SEMA3A: variants seen among roughly 807,000 people sequenced by gnomAD.
SEMA3A encodes semaphorin-3A.
A neutral mutation model predicts 97.9 loss-of-function variants in SEMA3A; 29 were observed. The observed-to-expected ratio is 0.30, with a 90% CI of 0.22 to 0.40. The LOEUF is 0.40. Among genes scored for constraint, SEMA3A ranks in the 10% least tolerant of loss-of-function variants. The probability of loss-of-function intolerance (pLI) is 1.00; values close to 1 mark genes in which losing one functional copy is unlikely to be tolerated. For missense variants in SEMA3A, 763 were observed against 951.3 expected (o/e 0.80, Z 2.60); for synonymous variants, 321 against 323.7 (o/e 0.99, Z 0.09).
intron 6 of SEMA3A, among the ~76,000 whole-genome samples, chr7:84,028,460 C>T (rs1267155104): frequency 6.6e-6 from 1 of 152,096 alleles, no homozygotes; most frequent in Non-Finnish European, 1.5e-5. Context: ...TAAACTGGAA[C>T]AAAATCAACA....
In SEMA3A at chr7:84,170,101, G is replaced by A. The variant is rs1004719137; in HGVS notation, c.112+24374C>T. ...ATTTCAGTTTTCAGTTTGCAAAGAT[G>A]AATGATACTTCAGGTGAAAATAGCT... is the stretch of plus-strand genomic sequence containing the variant. On this transcript the variant is annotated intron_variant, in intron 1 of 16. Coordinates refer to ENST00000265362, the MANE Select transcript of SEMA3A (RefSeq NM_006080.3). Among the ~76,000 whole-genome samples, 4 of 151,944 alleles carry A rather than the reference G, an allele frequency of 2.6e-5. No homozygotes were observed. The East Asian group carries it at 7.7e-4, about 29-fold the overall frequency.
At chr7:84,080,979 A>T (rs903896596) in intron 4 of SEMA3A, among the ~76,000 whole-genome samples, 1 of 151,916 alleles carries the variant, frequency 6.6e-6, no homozygotes, top group Non-Finnish European at 1.5e-5. Flanking sequence ...AAAATAGTAA[A>T]AATAATTAAT....
intron 3 of SEMA3A, among the ~76,000 whole-genome samples, chr7:84,243,913 GTGAGTTTCTTAATCC>G (rs1799422650): frequency 6.6e-6 from 1 of 152,302 alleles, no homozygotes; most frequent in South Asian, 2.1e-4. Context: ...GTGGTTTTGA[GTGAGTTTCTTAATCC>G]TGAGTTCTAA....
At chr7:84,077,461 G>A (rs998375434) in intron 4 of SEMA3A, among the ~76,000 whole-genome samples, 1 of 151,994 alleles carries the variant, frequency 6.6e-6, no homozygotes, top group African/African-American at 2.4e-5. Context: ...AGGAGCATAT[G>A]TCCTGTAAAA....
chr7:84,358,211 C>T (rs572615704), intron 2 of SEMA3A, among the ~76,000 whole-genome samples: 3 of 152,272 alleles, frequency 2.0e-5, no homozygotes, highest in Admixed American at 1.3e-4. Context: ...AGTCCTTGCC[C>T]ATGCCTATGT....
At chr7:83,980,615 A>AT (rs1441029532) in intron 14 of SEMA3A, among the ~76,000 whole-genome samples, 1 of 82,632 alleles carries the variant, frequency 1.2e-5, no homozygotes, top group East Asian at 3.7e-4. Flanking sequence ...AAAAAAAAAA[A>AT]AAAAAAAAAT....
chr7:84,217,917 C>T (rs1798787600), intron 3 of SEMA3A, among the ~76,000 whole-genome samples: 1 of 151,632 alleles, frequency 6.6e-6, no homozygotes, highest in Non-Finnish European at 1.5e-5. Context: ...GCCATCTCTA[C>T]AAAAAATTTA....
At chr7:84,310,526 T>C (rs576518431) in intron 2 of SEMA3A, among the ~76,000 whole-genome samples, 50 of 152,230 alleles carry the variant, frequency 3.3e-4, no homozygotes, top group Admixed American at 3.0e-3. Context: ...CTATTACAAA[T>C]AGATGATAAT....
At chr7:84,289,044 A>T (rs561411922) in intron 3 of SEMA3A, among the ~76,000 whole-genome samples, 92 of 152,258 alleles carry the variant, frequency 6.0e-4, no homozygotes, top group South Asian at 4.1e-4. Flanking sequence ...GTTAAAAAAA[A>T]ATATAATCTT....
intron 3 of SEMA3A, among the ~76,000 whole-genome samples, chr7:84,281,080 T>G (rs1800428725): frequency 6.6e-6 from 1 of 152,216 alleles, no homozygotes; most frequent in South Asian, 2.1e-4. Context: ...CACTGGTATG[T>G]TAGAAACTGG....
At chr7:84,098,140 G>A (rs887236637) in intron 4 of SEMA3A, among the ~76,000 whole-genome samples, 25 of 151,902 alleles carry the variant, frequency 1.6e-4, no homozygotes, top group African/African-American at 5.8e-4. Flanking sequence ...ATAATTGGTT[G>A]ATAATATACT....
chr7:84,335,972 A>G (rs1802029136), intron 2 of SEMA3A, among the ~76,000 whole-genome samples: 1 of 152,086 alleles, frequency 6.6e-6, no homozygotes, highest in African/African-American at 2.4e-5. Context: ...ATTTCAACTC[A>G]GATTAGCCCA....
chr7:84,049,390 T>C (rs1330018699), intron 5 of SEMA3A, among the ~76,000 whole-genome samples: 3 of 152,040 alleles, frequency 2.0e-5, no homozygotes, highest in African/African-American at 7.2e-5. Flanking sequence ...TCAATGATGA[T>C]TGCTCTAGAT....
intron 2 of SEMA3A, among the ~76,000 whole-genome samples, chr7:84,310,693 G>GCCATC (rs1294182292): frequency 6.6e-6 from 1 of 151,984 alleles, no homozygotes; most frequent in East Asian, 1.9e-4. Flanking sequence ...TTTTCATTAA[G>GCCATC]CCATGATTTA....
chr7:83,967,294 A>C (rs1054409133), intron 15 of SEMA3A, among the ~76,000 whole-genome samples: 1 of 152,182 alleles, frequency 6.6e-6, no homozygotes, highest in Non-Finnish European at 1.5e-5. Flanking sequence ...CACTGGCATA[A>C]ATTTTGTACA....
chr7:84,226,728 TCCAAC>T (rs1798997250), intron 3 of SEMA3A, among the ~76,000 whole-genome samples: 1 of 152,040 alleles, frequency 6.6e-6, no homozygotes, highest in African/African-American at 2.4e-5. Flanking sequence ...ATAATAAATA[TCCAAC>T]ACTCACTCCA....
At chr7:84,138,199 G>C (rs73378899) in intron 1 of SEMA3A, among the ~76,000 whole-genome samples, 3,144 of 151,862 alleles carry the variant, frequency 0.021, 122 homozygotes, top group African/African-American at 0.072. Flanking sequence ...AGATGGAGTA[G>C]ACTGAAAACT....
chr7:84,295,327 A>G (rs1198266194), intron 3 of SEMA3A, among the ~76,000 whole-genome samples: 1 of 151,998 alleles, frequency 6.6e-6, no homozygotes, highest in Admixed American at 6.6e-5. Flanking sequence ...ATATCCTTGC[A>G]TTAAGCCAAC....
intron 3 of SEMA3A, among the ~76,000 whole-genome samples, chr7:84,249,974 C>T (rs1425902195): frequency 6.6e-6 from 1 of 150,698 alleles, no homozygotes; most frequent in Admixed American, 6.6e-5. Flanking sequence ...TTCTAATTGA[C>T]TCTGCTCAAA....
Sources: gnomAD v4.1 joint callset for allele counts (sites outside exome capture counted in the v4.1 genomes callset) on GRCh38, gnomAD v4.1.1 for gene constraint, MANE v1.5 for transcripts, NCBI Gene and HGNC (gene_info 2026-07-23, HGNC 2026-07-21) for gene names.